Variants in LOC122539214 observed in about 807,000 individuals in gnomAD.
the LOC122539214 span, among the ~76,000 whole-genome samples, chr19:52,678,582 C>A: frequency 2.0e-5 from 3 of 151,928 alleles, no homozygotes; most frequent in Non-Finnish European, 4.4e-5. Context: ...AACACAATCT[C>A]TGGAATAAAT....
the LOC122539214 span, among the ~76,000 whole-genome samples, chr19:52,685,164 C>T: frequency 1.8e-4 from 27 of 152,334 alleles, no homozygotes; most frequent in Admixed American, 7.2e-4. Context: ...CAGACACCCA[C>T]TCTATTTTGC....
At chr19:52,682,764 G>C in the LOC122539214 span, among the ~76,000 whole-genome samples, 1 of 152,158 alleles carries the variant, frequency 6.6e-6, no homozygotes, top group South Asian at 2.1e-4. Flanking sequence ...TAGCTCTTTG[G>C]GAGGCTAAAA....
chr19:52,653,238 C>A, the LOC122539214 span: 4 of 1,526,256 alleles, frequency 2.6e-6, no homozygotes, highest in South Asian at 4.5e-5. Flanking sequence ...TGTAAGGTTT[C>A]TCTCCAGTAT....
the LOC122539214 span, among the ~76,000 whole-genome samples, chr19:52,671,426 C>T: frequency 6.6e-6 from 1 of 151,898 alleles, no homozygotes; most frequent in Non-Finnish European, 1.5e-5. Context: ...AGAAAATGTA[C>T]CTTTTATCTT....
At chr19:52,688,315 T>A in the LOC122539214 span, among the ~76,000 whole-genome samples, 1 of 151,366 alleles carries the variant, frequency 6.6e-6, no homozygotes, top group African/African-American at 2.4e-5. Flanking sequence ...GGATTACAGG[T>A]GCGCACCATC....
chr19:52,673,038 A>G, the LOC122539214 span, among the ~76,000 whole-genome samples: 1 of 151,800 alleles, frequency 6.6e-6, no homozygotes, highest in African/African-American at 2.4e-5. Flanking sequence ...GCTCAAACCT[A>G]TAAGCCCTGT....
chr19:52,657,792 A>T, the LOC122539214 span, among the ~76,000 whole-genome samples: 2 of 151,786 alleles, frequency 1.3e-5, no homozygotes, highest in African/African-American at 4.9e-5. Flanking sequence ...GGTTGCAGTG[A>T]GCCGAGATTG....
At chr19:52,658,159 G>A in the LOC122539214 span, among the ~76,000 whole-genome samples, 2 of 149,246 alleles carry the variant, frequency 1.3e-5, no homozygotes, top group African/African-American at 4.9e-5. Flanking sequence ...AAAAAGTAGT[G>A]AATAGGAAAA....
At chr19:52,672,721 T>A in the LOC122539214 span, among the ~76,000 whole-genome samples, 1 of 152,208 alleles carries the variant, frequency 6.6e-6, no homozygotes, top group African/African-American at 2.4e-5. Flanking sequence ...TGCCTCAGCC[T>A]CCCAGGTAGC....
chr19:52,672,057 A>G, the LOC122539214 span, among the ~76,000 whole-genome samples: 2 of 152,110 alleles, frequency 1.3e-5, no homozygotes, highest in Non-Finnish European at 2.9e-5. Context: ...AACATGGTGA[A>G]ACCCCATCTG....
the LOC122539214 span, among the ~76,000 whole-genome samples, chr19:52,681,057 G>A: frequency 1.3e-5 from 2 of 151,694 alleles, no homozygotes; most frequent in Non-Finnish European, 2.9e-5. Context: ...GGCCAAGCCG[G>A]GCAGATCATT....
chr19:52,687,146 C>T, the LOC122539214 span, among the ~76,000 whole-genome samples: 1 of 148,702 alleles, frequency 6.7e-6, no homozygotes, highest in Non-Finnish European at 1.5e-5. Flanking sequence ...GCAACATTGC[C>T]CTCCAGCCTG....
chr19:52,683,394 T>C, the LOC122539214 span, among the ~76,000 whole-genome samples: 446 of 151,456 alleles, frequency 2.9e-3, 4 homozygotes, highest in East Asian at 8.3e-3. Context: ...GCACTCTGAT[T>C]CTTGGAAGAA....
At chr19:52,673,582 A>T in the LOC122539214 span, among the ~76,000 whole-genome samples, 1 of 152,142 alleles carries the variant, frequency 6.6e-6, no homozygotes, top group Non-Finnish European at 1.5e-5. Context: ...TAAAAACCTT[A>T]AGCTTTTGAA....
the LOC122539214 span, chr19:52,652,054 C>A: frequency 4.2e-6 from 1 of 237,322 alleles, no homozygotes; most frequent in South Asian, 6.3e-5. Flanking sequence ...GGAGTGACCT[C>A]AGACTAAAGA....
chr19:52,676,365 C>T, the LOC122539214 span, among the ~76,000 whole-genome samples: 4 of 152,192 alleles, frequency 2.6e-5, no homozygotes, highest in South Asian at 4.1e-4. Flanking sequence ...CCTTGGCCTC[C>T]CAAAGTGCCG....
chr19:52,686,955 G>A, the LOC122539214 span, among the ~76,000 whole-genome samples: 8,016 of 151,946 alleles, frequency 0.053, 687 homozygotes, highest in African/African-American at 0.18. Context: ...ATCGAGGTGA[G>A]CAGATCACCT....
At chr19:52,656,152 G>A in the LOC122539214 span, among the ~76,000 whole-genome samples, 1 of 152,094 alleles carries the variant, frequency 6.6e-6, no homozygotes, top group African/African-American at 2.4e-5. Flanking sequence ...GGCAAAGGTT[G>A]CGGTGAGCTG....
At chr19:52,677,505 G>GGGATTTCATTCAACCTCACA in the LOC122539214 span, among the ~76,000 whole-genome samples, 5 of 150,722 alleles carry the variant, frequency 3.3e-5, no homozygotes, top group African/African-American at 1.2e-4. Flanking sequence ...AAAAGAAAAA[G>GGGATTTCATTCAACCTCACA]AGATCCAAAA....
Sources: gnomAD v4.1 joint callset for allele counts (sites outside exome capture counted in the v4.1 genomes callset) on GRCh38, gnomAD v4.1.1 for gene constraint, MANE v1.5 for transcripts.